PALLD: variants seen among roughly 807,000 people sequenced by gnomAD.
PALLD encodes palladin.
PALLD carries 61 observed loss-of-function variants against 123.5 expected under a neutral mutation model. The ratio of observed to expected loss-of-function variants is 0.49; its 90% CI spans 0.40 to 0.61. The LOEUF (loss-of-function observed/expected upper bound fraction) is 0.61, where lower values mean the gene tolerates loss of function less well. Ranked by LOEUF, PALLD falls within the 20% of genes least tolerant of loss-of-function variation. PALLD has a pLI of 0.00. For synonymous variants in PALLD, 465 were observed against 496.4 expected, an observed-to-expected ratio of 0.94 and a Z score of 0.84; for missense variants, 1,273 against 1,377.0, an observed-to-expected ratio of 0.92 and a Z score of 1.20.
chr4:168,707,466 C>G (rs1240487836), intron 8 of PALLD, among the ~76,000 whole-genome samples: 2 of 152,164 alleles, frequency 1.3e-5, no homozygotes, highest in Admixed American at 6.5e-5. Flanking sequence ...TATGTCTGCT[C>G]CATATGGTCT....
At chr4:168,703,895 C>T (rs1169353854) in intron 8 of PALLD, among the ~76,000 whole-genome samples, 1 of 151,164 alleles carries the variant, frequency 6.6e-6, no homozygotes, top group African/African-American at 2.4e-5. Flanking sequence ...TTTTGCCGTG[C>T]AGAAGCTCTT....
intron 13 of PALLD, among the ~76,000 whole-genome samples, chr4:168,897,609 G>A (rs952315862): frequency 6.6e-6 from 1 of 152,044 alleles, no homozygotes; most frequent in Non-Finnish European, 1.5e-5. Flanking sequence ...ACCATGCCCA[G>A]CTACTGTTCT....
chr4:168,706,768 A>G (rs557068872), intron 8 of PALLD, among the ~76,000 whole-genome samples: 261 of 152,322 alleles, frequency 1.7e-3, no homozygotes, highest in Non-Finnish European at 2.5e-3. Context: ...ATAGATATAT[A>G]TATTTGACCC....
chr4:168,832,854 GGC>G (rs547445502), intron 10 of PALLD: 2 of 152,344 alleles, frequency 1.3e-5, no homozygotes, highest in Admixed American at 6.5e-5. Flanking sequence ...TGGAGCCGGC[GGC>G]TCAGTCCCCT....
chr4:168,726,906 G>A (rs1786648064), intron 10 of PALLD, among the ~76,000 whole-genome samples: 1 of 152,086 alleles, frequency 6.6e-6, no homozygotes, highest in Non-Finnish European at 1.5e-5. Context: ...GTAGTTAGCA[G>A]TGTCTGTCAT....
At chr4:168,667,648 G>A (rs558483562) in intron 2 of PALLD, among the ~76,000 whole-genome samples, 2 of 152,218 alleles carry the variant, frequency 1.3e-5, no homozygotes, top group African/African-American at 2.4e-5. Context: ...AGGCCAAGGC[G>A]GTCTGCTAGA....
At position 168,606,560 on chromosome 4, in the gene PALLD, G is replaced by C. The variant is rs186197516; in HGVS notation, c.909-61630G>C. Among the ~76,000 whole-genome samples, 17 of 151,476 alleles carry C rather than the reference G, an allele frequency of 1.1e-4. 1 individual carries two copies. In the East Asian group the frequency reaches 3.1e-3, roughly 28 times the overall value. ...ATGGTAACGGTCACCTGTAATCCCA[G>C]CTACTCGGGAGGCTGAGGCAGGAGA... On this transcript the variant is annotated intron_variant, in intron 2 of 21. Transcript: ENST00000505667.
At chr4:168,863,420 G>A (rs1749782074) in intron 10 of PALLD, among the ~76,000 whole-genome samples, 1 of 152,196 alleles carries the variant, frequency 6.6e-6, no homozygotes, top group African/African-American at 2.4e-5. Flanking sequence ...AAAGAGAGAA[G>A]AGCAAGGGAG....
intron 10 of PALLD, among the ~76,000 whole-genome samples, chr4:168,737,057 T>G (rs1326866426): frequency 6.6e-6 from 1 of 152,212 alleles, no homozygotes; most frequent in Non-Finnish European, 1.5e-5. Flanking sequence ...AATATGCAAA[T>G]TGCTGACCAC....
intron 10 of PALLD, among the ~76,000 whole-genome samples, chr4:168,780,086 A>T (rs1735697066): frequency 2.0e-5 from 3 of 152,068 alleles, no homozygotes; most frequent in South Asian, 4.2e-4. Context: ...TTTGGTAGAG[A>T]TGGGGTTTCA....
At chr4:168,619,423 T>C (rs1774537063) in intron 2 of PALLD, among the ~76,000 whole-genome samples, 3 of 152,210 alleles carry the variant, frequency 2.0e-5, no homozygotes, top group African/African-American at 4.8e-5. Flanking sequence ...CTAACTGAAA[T>C]AGGCAGCCAC....
In PALLD at chr4:168,897,355, C is replaced by T. The variant is rs556336108; in HGVS notation, c.2250+756C>T. Among the ~76,000 whole-genome samples, 35 of 152,336 alleles carry T rather than the reference C, an allele frequency of 2.3e-4. No individual in the cohort carries two copies. In the East Asian group the frequency reaches 5.4e-3, roughly 23 times the overall value. ...CAAACCAACAAACTTGTTTTTTAAA[C>T]ACTGAGTAACTTCTTTAAGAGAAAA... On this transcript the variant is annotated intron_variant, in intron 13 of 21. Transcript: ENST00000505667.
At chr4:168,880,801 G>A (rs12643097) in intron 10 of PALLD, among the ~76,000 whole-genome samples, 75,799 of 152,034 alleles carry the variant, frequency 0.5, 22,107 homozygotes, top group South Asian at 0.65. Context: ...CCAACAAATT[G>A]GTTGATTATA....
intron 10 of PALLD, among the ~76,000 whole-genome samples, chr4:168,751,941 A>C (rs754740093): frequency 2.0e-5 from 3 of 152,214 alleles, no homozygotes; most frequent in African/African-American, 4.8e-5. Flanking sequence ...TGTCCTAAAC[A>C]CTGTTCTGAG....
At chr4:168,611,365 C>T (rs1157088702) in intron 2 of PALLD, among the ~76,000 whole-genome samples, 1 of 152,194 alleles carries the variant, frequency 6.6e-6, no homozygotes, top group Non-Finnish European at 1.5e-5. Flanking sequence ...CTCTGCTGAA[C>T]TGAATCGATT....
intron 2 of PALLD, among the ~76,000 whole-genome samples, chr4:168,614,624 C>T (rs548772395): frequency 6.6e-6 from 1 of 152,152 alleles, no homozygotes; most frequent in African/African-American, 2.4e-5. Flanking sequence ...ATAGTGGACT[C>T]TCAGTGCTCA....
chr4:168,926,097 A>G (rs1206629212), intron 21 of PALLD, 116 bp from the exon 22 acceptor site: 5 of 802,068 alleles, frequency 6.2e-6, no homozygotes, highest in African/African-American at 1.7e-5. Context: ...TGTTTCTACC[A>G]TGGATGTGTT....
chr4:168,851,559 G>A (rs1050158684), intron 10 of PALLD, among the ~76,000 whole-genome samples: 2 of 151,966 alleles, frequency 1.3e-5, no homozygotes, highest in Non-Finnish European at 2.9e-5. Flanking sequence ...ATAGAGACGG[G>A]GTTTCACCAT....
rs954876056 is a variant in PALLD, at chr4:168,674,657, C to G, written c.1087+6289C>G. ...TGGGGTCAGCAACAGTGGATGTTGT[C>G]AGCGATTTTAGCAAGAGGAGCTTGA... is the stretch of plus-strand genomic sequence containing the variant. On this transcript the variant is annotated intron_variant, in intron 3 of 21. Transcript: ENST00000505667. 3.9e-5 allele frequency among the ~76,000 whole-genome samples: 6 copies of G among 152,130 alleles called. No individual in the cohort carries two copies. The South Asian group carries it at 1.2e-3, about 32-fold the overall frequency.
Sources: gnomAD v4.1 joint callset for allele counts (sites outside exome capture counted in the v4.1 genomes callset) on GRCh38, gnomAD v4.1.1 for gene constraint, MANE v1.5 for transcripts, NCBI Gene and HGNC (gene_info 2026-07-23, HGNC 2026-07-21) for gene names.